The following CSMD3 variants were observed in gnomAD, a reference collection of about 807,000 sequenced individuals.
CSMD3 encodes the protein CUB and sushi domain-containing protein 3.
Under a neutral mutation model 435.2 loss-of-function variants are expected in CSMD3, and 177 were observed. The observed-to-expected ratio is 0.41, with a 90% CI of 0.36 to 0.46. CSMD3 has a LOEUF of 0.46. Among genes scored for constraint, CSMD3 ranks in the 20% least tolerant of loss-of-function variants. The pLI, the probability that CSMD3 is intolerant of heterozygous loss-of-function variation, is 0.34. For synonymous variants in CSMD3, 1,656 were observed against 1,520.5 expected, an observed-to-expected ratio of 1.09 and a Z score of -2.07; for missense variants, 4,265 against 4,504.6, an observed-to-expected ratio of 0.95 and a Z score of 1.52.
At position 113,205,113 on chromosome 8, in the gene CSMD3, A is replaced by G. The variant is rs566991930; in HGVS notation, c.515-31197T>C. 4.6e-5 allele frequency among the ~76,000 whole-genome samples: 7 copies of G among 151,976 alleles called. No individual in the cohort carries two copies. The East Asian group carries it at 1.4e-3, about 30-fold the overall frequency. On this transcript the variant is annotated intron_variant, in intron 3 of 70. Coordinates refer to ENST00000297405, the MANE Select transcript of CSMD3 (RefSeq NM_198123.2). ...ATTCTCATGCCTCAGCCTCCCAAGT[A>G]GCTAGGATTACATACACCCGTCACC...
At chr8:113,325,005 T>A (rs1588518842) in intron 1 of CSMD3, among the ~76,000 whole-genome samples, 2 of 152,338 alleles carry the variant, frequency 1.3e-5, no homozygotes, top group East Asian at 3.9e-4. Flanking sequence ...CTTCTGCCAA[T>A]TCCTCCCATT....
chr8:112,984,994 TGATAGATAGATAGATAGATA>T (rs71309797), intron 6 of CSMD3, among the ~76,000 whole-genome samples: 1 of 148,310 alleles, frequency 6.7e-6, no homozygotes, highest in Non-Finnish European at 1.5e-5. Context: ...TGATAGATTA[TGATAGATAGATAGATAGATA>T]GATAGATAGA....
In CSMD3 at chr8:112,832,287, G is replaced by A. The variant is rs1052256153; in HGVS notation, c.1756-2498C>T. Among the ~76,000 whole-genome samples, 5 of 152,114 alleles carry A rather than the reference G, an allele frequency of 3.3e-5. No individual in the cohort carries two copies. In the South Asian group the frequency reaches 1.0e-3, roughly 32 times the overall value. ...TATATAATATCCTCCTCTTCAGTGT[G>A]GGCAAGACCTATGAAAATGACGGAT... On this transcript the variant is annotated intron_variant, in intron 11 of 70. Coordinates refer to ENST00000297405, the MANE Select transcript of CSMD3 (RefSeq NM_198123.2).
rs139975890 is a variant in CSMD3 at position 112,680,610 on chromosome 8, T to C, written c.2677+1832A>G. ...GACAGAGTAGCCCCTGCTGAACCCA[T>C]ACTATTTGAAGTTTGAAAAAGAACA... On this transcript the variant is annotated intron_variant, in intron 16 of 70. Coordinates refer to ENST00000297405, the MANE Select transcript of CSMD3 (RefSeq NM_198123.2). 1.9e-3 allele frequency among the ~76,000 whole-genome samples: 288 copies of C among 152,286 alleles called. 1 individual carries two copies. Among genetic ancestry groups the C allele is most frequent in the Non-Finnish European group, 3.3e-3 (222 of 68,012 alleles).
At chr8:113,156,183 A>C (rs1031681259) in intron 4 of CSMD3, among the ~76,000 whole-genome samples, 1 of 152,118 alleles carries the variant, frequency 6.6e-6, no homozygotes, top group African/African-American at 2.4e-5. Flanking sequence ...TAACCTTATA[A>C]GAATCAGTGT....
At chr8:112,710,425 A>C (rs898720745) in intron 13 of CSMD3, among the ~76,000 whole-genome samples, 3 of 152,102 alleles carry the variant, frequency 2.0e-5, no homozygotes, top group Non-Finnish European at 4.4e-5. Context: ...CTTATCCAAT[A>C]ATAAAAATAA....
At chr8:113,408,348 G>A (rs958407879) in intron 1 of CSMD3, among the ~76,000 whole-genome samples, 17 of 152,126 alleles carry the variant, frequency 1.1e-4, no homozygotes, top group Admixed American at 2.0e-4. Context: ...TGGAAATCAT[G>A]GTAAGACTTT....
chr8:112,293,166 G>A (rs1335962026), intron 54 of CSMD3, among the ~76,000 whole-genome samples: 2 of 151,966 alleles, frequency 1.3e-5, no homozygotes, highest in Non-Finnish European at 2.9e-5. Context: ...CGGGGTGGGA[G>A]GATTGCTTGA....
At chr8:112,821,800 T>C (rs764655431) in intron 12 of CSMD3, among the ~76,000 whole-genome samples, 14 of 152,222 alleles carry the variant, frequency 9.2e-5, no homozygotes, top group Non-Finnish European at 5.9e-5. Flanking sequence ...ATTTAAGTCT[T>C]TAATCCATCT....
At chr8:112,897,855 CA>C (rs1035217523) in intron 10 of CSMD3, among the ~76,000 whole-genome samples, 1 of 150,808 alleles carries the variant, frequency 6.6e-6, no homozygotes, top group Non-Finnish European at 1.5e-5. Context: ...TAAGTAAATG[CA>C]GTAGGAAATA....
intron 22 of CSMD3, among the ~76,000 whole-genome samples, chr8:112,630,768 A>T (rs1260577892): frequency 6.6e-6 from 1 of 152,116 alleles, no homozygotes; most frequent in Non-Finnish European, 1.5e-5. Context: ...AGAGTGCAGA[A>T]AGAAAGGCTG....
At chr8:112,876,237 C>T (rs1418862484) in intron 10 of CSMD3, among the ~76,000 whole-genome samples, 2 of 152,074 alleles carry the variant, frequency 1.3e-5, no homozygotes, top group Non-Finnish European at 2.9e-5. Context: ...CATAGCCAAA[C>T]TCTATCAGAG....
At chr8:112,784,393 C>A (rs2078482543) in intron 13 of CSMD3, among the ~76,000 whole-genome samples, 1 of 151,132 alleles carries the variant, frequency 6.6e-6, no homozygotes, top group Admixed American at 6.6e-5. Context: ...AAGAGCAAAC[C>A]AAACCTAAAA....
intron 61 of CSMD3, 140 bp from the exon 62 acceptor site, chr8:112,255,567 T>A (rs1224172729): frequency 3.2e-5 from 24 of 757,768 alleles, no homozygotes; most frequent in Non-Finnish European, 4.5e-5. Context: ...AATGAAAAAA[T>A]TTATTTTTTA....
chr8:113,299,026 T>C (rs2093743200), intron 2 of CSMD3, among the ~76,000 whole-genome samples: 1 of 152,198 alleles, frequency 6.6e-6, no homozygotes, highest in African/African-American at 2.4e-5. Flanking sequence ...AATGTATTTC[T>C]TCTGGTAAAG....
intron 6 of CSMD3, among the ~76,000 whole-genome samples, chr8:113,010,802 T>A (rs2086229931): frequency 6.6e-6 from 1 of 151,640 alleles, no homozygotes; most frequent in Non-Finnish European, 1.5e-5. Flanking sequence ...TAAGTAAGAC[T>A]ATCCATGATA....
intron 7 of CSMD3, among the ~76,000 whole-genome samples, chr8:112,970,722 T>C (rs1196975308): frequency 6.6e-6 from 1 of 151,094 alleles, no homozygotes; most frequent in Non-Finnish European, 1.5e-5. Flanking sequence ...CTTGCTTTCT[T>C]TTCTTTTTTT....
Position 113,390,156 on chromosome 8 carries a change from C to T in CSMD3, c.178+46521G>A, listed in dbSNP as rs1351478765. Among the ~76,000 whole-genome samples the T allele has an allele frequency of 3.3e-5, 5 of 151,926 alleles. No individual in the cohort carries two copies. The East Asian group carries it at 7.7e-4, about 23-fold the overall frequency. ...TATAAGATTCTCTCCATTCTTTCCA[C>T]TTATAGTGAACTTTTTTGAGACAAT... On this transcript the variant is annotated intron_variant, in intron 1 of 70. Transcript: ENST00000297405.
intron 32 of CSMD3, among the ~76,000 whole-genome samples, chr8:112,472,354 A>T (rs571699713): frequency 1.9e-4 from 29 of 152,306 alleles, no homozygotes; most frequent in African/African-American, 6.5e-4. Flanking sequence ...TTTAAAAATT[A>T]AAAACAATCC....
Sources: allele counts gnomAD v4.1 joint callset (sites outside exome capture counted in the v4.1 genomes callset), GRCh38; gene constraint gnomAD v4.1.1; transcripts MANE v1.5; gene names NCBI Gene and HGNC (gene_info 2026-07-23, HGNC 2026-07-21).